TRPM3: variants seen among roughly 807,000 people sequenced by gnomAD.
The protein encoded by TRPM3 is transient receptor potential cation channel subfamily M member 3.
Under a neutral mutation model 181.2 loss-of-function variants are expected in TRPM3, and 77 were observed. The observed-to-expected ratio is 0.42, with a 90% CI of 0.35 to 0.51. The LOEUF (loss-of-function observed/expected upper bound fraction) is 0.51. Among genes scored for constraint, TRPM3 ranks in the 20% least tolerant of loss-of-function variants. The pLI is 0.01. For missense variants in TRPM3, 1,759 were observed against 2,196.7 expected, an observed-to-expected ratio of 0.80 and a Z score of 3.98; for synonymous variants, 745 against 796.4, an observed-to-expected ratio of 0.94 and a Z score of 1.09.
chr9:71,209,407 G>GGAGAGA (rs3040615), intron 1 of TRPM3, among the ~76,000 whole-genome samples: 4 of 138,320 alleles, frequency 2.9e-5, no homozygotes, highest in Non-Finnish European at 6.1e-5. Context: ...AAGGAGGGAG[G>GGAGAGA]GAGAGAGAGA....
intron 1 of TRPM3, among the ~76,000 whole-genome samples, chr9:70,917,930 A>G (rs2096617759): frequency 6.6e-6 from 1 of 152,104 alleles, no homozygotes; most frequent in African/African-American, 2.4e-5. Flanking sequence ...ACACACACAG[A>G]CTAAAAATAA....
At chr9:70,747,621 G>A (rs79778543) in intron 8 of TRPM3, among the ~76,000 whole-genome samples, 1 of 152,070 alleles carries the variant, frequency 6.6e-6, no homozygotes, top group Non-Finnish European at 1.5e-5. Flanking sequence ...CTGTTTTTCT[G>A]TGACCAGTAA....
rs986933504 is a variant in TRPM3 at position 70,529,588 on chromosome 9, A to T, written c.*6365T>A. On this transcript the variant is annotated 3_prime_UTR_variant, in exon 26 of 26. Transcript: ENST00000677713. ...GGTACTCTTCTTCTGAATCTCTCTC[A>T]CAAAGACTCTGTGTTCAAGTTTAGA... 6.6e-6 allele frequency: 1 copy of T among 152,196 alleles called. No homozygotes were observed. The highest frequency in any genetic ancestry group is 1.5e-5 in the Non-Finnish European group (1 of 68,032). 9.4% of individuals were successfully genotyped at this position (152,196 alleles called of 1,614,324 possible). A position where few individuals can be genotyped will look rare whatever the true frequency, so the allele number is the denominator to read the frequency against.
chr9:70,667,899 A>G (rs10124022), intron 9 of TRPM3, among the ~76,000 whole-genome samples: 57,596 of 152,024 alleles, frequency 0.38, 11,349 homozygotes, highest in African/African-American at 0.47. Flanking sequence ...AAAGGAGGCT[A>G]GGATAGTTAG....
chr9:71,432,447 A>T (rs572057420), intron 1 of TRPM3, among the ~76,000 whole-genome samples: 230 of 144,638 alleles, frequency 1.6e-3, no homozygotes, highest in Non-Finnish European at 2.4e-3. Flanking sequence ...AGTTACTGTT[A>T]CCAGTGCATT....
At chr9:71,324,720 T>G (rs748616833) in intron 1 of TRPM3, among the ~76,000 whole-genome samples, 16 of 152,076 alleles carry the variant, frequency 1.1e-4, no homozygotes, top group Non-Finnish European at 2.1e-4. Context: ...CCAACCTAAG[T>G]GTCGACTGGC....
At chr9:70,752,359 C>T (rs2076346333) in intron 8 of TRPM3, among the ~76,000 whole-genome samples, 1 of 152,154 alleles carries the variant, frequency 6.6e-6, no homozygotes, top group Non-Finnish European at 1.5e-5. Context: ...AGCTAGTCAT[C>T]TACATGGATC....
chr9:71,154,584 C>T (rs1473892624), intron 1 of TRPM3, among the ~76,000 whole-genome samples: 1 of 152,120 alleles, frequency 6.6e-6, no homozygotes. Flanking sequence ...CTGAAGAAGC[C>T]TTCTCCATCC....
intron 19 of TRPM3, among the ~76,000 whole-genome samples, chr9:70,608,967 A>C (rs2061616185): frequency 6.6e-6 from 1 of 152,186 alleles, no homozygotes; most frequent in Non-Finnish European, 1.5e-5. Flanking sequence ...ATTTTTGTTG[A>C]GTGGATGTAT....
intron 1 of TRPM3, among the ~76,000 whole-genome samples, chr9:70,931,574 T>C (rs202100997): frequency 7.4e-4 from 112 of 152,136 alleles, no homozygotes; most frequent in East Asian, 4.8e-3. Context: ...AAAGTTAGAA[T>C]TGATCACCAT....
intron 1 of TRPM3, among the ~76,000 whole-genome samples, chr9:71,005,494 A>G (rs965834598): frequency 2.0e-5 from 3 of 152,196 alleles, no homozygotes; most frequent in Non-Finnish European, 4.4e-5. Flanking sequence ...TCAAATTAGC[A>G]AAAATCGAAG....
At chr9:70,796,201 G>A (rs116917316) in intron 6 of TRPM3, among the ~76,000 whole-genome samples, 3,477 of 152,218 alleles carry the variant, frequency 0.023, 75 homozygotes, top group Non-Finnish European at 0.034. Context: ...GCCCATACAA[G>A]TTCCTTGGCT....
chr9:71,327,003 T>A (rs1269871258), intron 1 of TRPM3, among the ~76,000 whole-genome samples: 1 of 152,188 alleles, frequency 6.6e-6, no homozygotes, highest in Non-Finnish European at 1.5e-5. Flanking sequence ...TAAGGCTGCA[T>A]GGACTGATCA....
intron 4 of TRPM3, among the ~76,000 whole-genome samples, chr9:70,844,438 AAAC>A (rs2094858132): frequency 1.3e-5 from 2 of 152,074 alleles, no homozygotes; most frequent in Non-Finnish European, 2.9e-5. Context: ...TAAAACAAAC[AAAC>A]AAACAAACAA....
At chr9:70,577,483 G>T (rs1229111043) in intron 22 of TRPM3, among the ~76,000 whole-genome samples, 1 of 152,184 alleles carries the variant, frequency 6.6e-6, no homozygotes, top group African/African-American at 2.4e-5. Context: ...TGTATCATGT[G>T]CCTGGCCTGG....
At chr9:70,996,502 A>C (rs2097542197) in intron 1 of TRPM3, among the ~76,000 whole-genome samples, 1 of 152,236 alleles carries the variant, frequency 6.6e-6, no homozygotes, top group Admixed American at 6.5e-5. Flanking sequence ...GGATTAAGCA[A>C]GCTAGGATGC....
chr9:70,942,030 C>T (rs906211275), intron 1 of TRPM3, among the ~76,000 whole-genome samples: 6 of 152,132 alleles, frequency 3.9e-5, no homozygotes, highest in Non-Finnish European at 5.9e-5. Context: ...GTACTACATA[C>T]TCTTCAACTT....
At chr9:71,133,098 A>C (rs2074472648) in intron 1 of TRPM3, among the ~76,000 whole-genome samples, 1 of 152,050 alleles carries the variant, frequency 6.6e-6, no homozygotes, top group Non-Finnish European at 1.5e-5. Flanking sequence ...GTAGTGTTGA[A>C]CCATTTTACG....
intron 1 of TRPM3, among the ~76,000 whole-genome samples, chr9:71,258,295 C>T (rs911562815): frequency 2.6e-5 from 4 of 152,270 alleles, no homozygotes; most frequent in Non-Finnish European, 5.9e-5. Flanking sequence ...GTTGGAAAGG[C>T]TGGGACTTGA....
Sources: allele counts gnomAD v4.1 joint callset (sites outside exome capture counted in the v4.1 genomes callset), GRCh38; gene constraint gnomAD v4.1.1; transcripts MANE v1.5; gene names NCBI Gene and HGNC (gene_info 2026-07-23, HGNC 2026-07-21).